The following CATSPERE variants were observed in gnomAD, a reference collection of about 807,000 sequenced individuals.
The protein encoded by CATSPERE is cation channel sperm-associated auxiliary subunit epsilon.
A neutral mutation model predicts 114.1 loss-of-function variants in CATSPERE; 93 were observed. That is an observed-to-expected ratio of 0.81 (90% confidence interval 0.69 to 0.97). CATSPERE has a LOEUF of 0.97. Ranked by LOEUF, CATSPERE falls within the 50% of genes least tolerant of loss-of-function variation. CATSPERE has a pLI of 0.00. For synonymous variants in CATSPERE, 341 were observed against 384.1 expected, an observed-to-expected ratio of 0.89 and a Z score of 1.31; for missense variants, 1,058 against 1,131.6, an observed-to-expected ratio of 0.93 and a Z score of 0.93.
In CATSPERE at chr1:244,590,381, A is replaced by G. The variant is rs1267452253; in HGVS notation, c.2139-1300A>G. Among the ~76,000 whole-genome samples, 4 of 152,278 alleles carry G rather than the reference A, an allele frequency of 2.6e-5. No homozygotes were observed. The South Asian group carries it at 6.2e-4, about 24-fold the overall frequency. ...TTTTCATTTTGATAGATTTTCTATG[A>G]GTTTTTTTGTGTGTGCATGTGTGTT... On this transcript the variant is annotated intron_variant, in intron 14 of 21. Transcript: ENST00000366534.
chr1:244,563,524 A>G (rs1221539580), intron 10 of CATSPERE, among the ~76,000 whole-genome samples: 1 of 152,172 alleles, frequency 6.6e-6, no homozygotes, highest in Non-Finnish European at 1.5e-5. Context: ...AGTGATGATG[A>G]GCTTTTTTCC....
At chr1:244,493,905 C>T (rs1313200149) in intron 6 of CATSPERE, among the ~76,000 whole-genome samples, 1 of 152,134 alleles carries the variant, frequency 6.6e-6, no homozygotes, top group African/African-American at 2.4e-5. Flanking sequence ...CAATGAGATA[C>T]CATCTCACTC....
intron 5 of CATSPERE, among the ~76,000 whole-genome samples, chr1:244,490,132 T>C (rs3006020): frequency 0.28 from 43,132 of 151,978 alleles, 6,930 homozygotes; most frequent in East Asian, 0.56. Context: ...ATGAGGACTT[T>C]GAAATATTCA....
intron 8 of CATSPERE, among the ~76,000 whole-genome samples, chr1:244,526,800 T>C (rs1387294187): frequency 6.6e-6 from 1 of 151,968 alleles, no homozygotes; most frequent in Non-Finnish European, 1.5e-5. Context: ...TTTCCCTAAG[T>C]GTCAGCCAGC....
chr1:244,594,725 G>A (rs1668159257), intron 17 of CATSPERE, among the ~76,000 whole-genome samples: 1 of 152,122 alleles, frequency 6.6e-6, no homozygotes, highest in African/African-American at 2.4e-5. Flanking sequence ...GGGTGGGTAG[G>A]TATAGAAGTA....
intron 7 of CATSPERE, among the ~76,000 whole-genome samples, chr1:244,501,070 G>A (rs1417071418): frequency 1.3e-5 from 2 of 152,106 alleles, no homozygotes; most frequent in East Asian, 1.9e-4. Context: ...TCCCTTGTAA[G>A]TTGTATTCCT....
intron 15 of CATSPERE, among the ~76,000 whole-genome samples, chr1:244,593,154 G>T (rs1297813178): frequency 1.3e-5 from 2 of 152,202 alleles, no homozygotes; most frequent in Non-Finnish European, 2.9e-5. Context: ...AGCCTTGAAC[G>T]AGTTTCACAC....
chr1:244,624,294 C>T (rs1672808778), intron 20 of CATSPERE, among the ~76,000 whole-genome samples: 1 of 152,010 alleles, frequency 6.6e-6, no homozygotes, highest in Non-Finnish European at 1.5e-5. Flanking sequence ...AATAAGACAA[C>T]AGTGAAGCTT....
At chr1:244,588,193 CAAA>C (rs34464391) in intron 13 of CATSPERE, among the ~76,000 whole-genome samples, 9 of 107,944 alleles carry the variant, frequency 8.3e-5, no homozygotes, top group Admixed American at 2.0e-4. Context: ...GACTTCATCT[CAAA>C]AAAAAAAAAA....
chr1:244,588,682 T>G (rs1323831275), intron 14 of CATSPERE, 148 bp downstream of exon 14: 12 of 664,200 alleles, frequency 1.8e-5, no homozygotes, highest in Non-Finnish European at 2.4e-5. Flanking sequence ...CTAGATTCAA[T>G]TGGTTTAAAC....
intron 8 of CATSPERE, among the ~76,000 whole-genome samples, chr1:244,546,081 C>T (rs1659707893): frequency 6.6e-6 from 1 of 152,340 alleles, no homozygotes; most frequent in Middle Eastern, 3.4e-3. Context: ...CAATCTCTGG[C>T]CTGCATCACT....
chr1:244,599,667 C>T (rs1003347796), intron 17 of CATSPERE, among the ~76,000 whole-genome samples: 1 of 152,222 alleles, frequency 6.6e-6, no homozygotes, highest in African/African-American at 2.4e-5. Context: ...CAAGACCTTA[C>T]AATGACTTTC....
At chr1:244,469,941 A>G (rs74151399) in intron 2 of CATSPERE, among the ~76,000 whole-genome samples, 2,959 of 152,252 alleles carry the variant, frequency 0.019, 108 homozygotes, top group African/African-American at 0.067. Context: ...TTTGATAATG[A>G]TACCAAGAGA....
chr1:244,621,095 A>ATATATATAATAT (rs1672122719), intron 20 of CATSPERE, among the ~76,000 whole-genome samples: 1 of 69,512 alleles, frequency 1.4e-5, no homozygotes, highest in African/African-American at 5.7e-5. Context: ...ATATATATAA[A>ATATATATAATAT]ATATATATAA....
At chr1:244,553,544 G>A (rs1181267494) in intron 9 of CATSPERE, among the ~76,000 whole-genome samples, 3 of 133,124 alleles carry the variant, frequency 2.3e-5, no homozygotes, top group East Asian at 2.2e-4. Context: ...TCGTGCCACT[G>A]CACTCCAGCC....
At chr1:244,601,946 G>A (rs942257133) in intron 17 of CATSPERE, among the ~76,000 whole-genome samples, 1 of 151,766 alleles carries the variant, frequency 6.6e-6, no homozygotes, top group African/African-American at 2.4e-5. Context: ...AGAGCGAAAC[G>A]GAAGGAAGGA....
intron 7 of CATSPERE, among the ~76,000 whole-genome samples, chr1:244,505,671 T>C (rs1674704511): frequency 6.6e-6 from 1 of 152,106 alleles, no homozygotes; most frequent in Non-Finnish European, 1.5e-5. Context: ...ATTAGTCAGC[T>C]CAGGTGATCC....
intron 10 of CATSPERE, among the ~76,000 whole-genome samples, chr1:244,570,328 G>A (rs1379609889): frequency 6.6e-6 from 1 of 151,970 alleles, no homozygotes; most frequent in Non-Finnish European, 1.5e-5. Context: ...AGTTTGGCTT[G>A]CAAGAGATTG....
upstream of CATSPERE, among the ~76,000 whole-genome samples, chr1:244,460,673 G>C (rs1306135281): frequency 6.6e-6 from 1 of 152,238 alleles, no homozygotes; most frequent in Non-Finnish European, 1.5e-5. Context: ...CAGCACTTTG[G>C]GAGGCTGAGG....
Sources: gnomAD v4.1 joint callset for allele counts (sites outside exome capture counted in the v4.1 genomes callset) on GRCh38, gnomAD v4.1.1 for gene constraint, MANE v1.5 for transcripts, NCBI Gene and HGNC (gene_info 2026-07-23, HGNC 2026-07-21) for gene names.